Variants in NYAP2 observed in about 807,000 individuals in gnomAD.
NYAP2 encodes neuronal tyrosine-phosphorylated phosphoinositide-3-kinase adaptor 2.
NYAP2 carries 23 observed loss-of-function variants against 50.4 expected under a neutral mutation model. The observed-to-expected ratio is 0.46, with a 90% CI of 0.33 to 0.65. NYAP2 has a LOEUF of 0.65. NYAP2 is among the 30% of genes least tolerant of loss of function. The pLI is 0.02. For synonymous variants in NYAP2, 394 were observed against 365.2 expected (o/e 1.08, Z -0.90); for missense variants, 885 against 861.0 (o/e 1.03, Z -0.35).
intron 5 of NYAP2, among the ~76,000 whole-genome samples, chr2:225,616,106 A>G (rs930571207): frequency 6.6e-6 from 1 of 152,168 alleles, no homozygotes; most frequent in African/African-American, 2.4e-5. Flanking sequence ...AGTGTGCCCC[A>G]TCTGTGTGTA....
intron 3 of NYAP2, among the ~76,000 whole-genome samples, chr2:225,410,540 G>A (rs1427325710): frequency 6.6e-6 from 1 of 151,882 alleles, no homozygotes; most frequent in Non-Finnish European, 1.5e-5. Flanking sequence ...TGGCCTACAT[G>A]TTTTTGAAAG....
intron 5 of NYAP2, among the ~76,000 whole-genome samples, chr2:225,594,654 A>G (rs1404931255): frequency 3.9e-5 from 6 of 152,252 alleles, no homozygotes; most frequent in Admixed American, 3.9e-4. Context: ...TCCCTGGTGA[A>G]AAAATGGATT....
At chr2:225,486,409 T>C (rs1690299393) in intron 3 of NYAP2, among the ~76,000 whole-genome samples, 1 of 152,068 alleles carries the variant, frequency 6.6e-6, no homozygotes, top group African/African-American at 2.4e-5. Context: ...AGGAGGTAAA[T>C]GTTCTAAGCT....
At chr2:225,683,984 T>A in the NYAP2 span, among the ~76,000 whole-genome samples, 1 of 152,184 alleles carries the variant, frequency 6.6e-6, no homozygotes, top group African/African-American at 2.4e-5. Flanking sequence ...AGAAGTCTAG[T>A]CAATTTATGG....
chr2:225,588,083 C>G (rs1365426974), intron 5 of NYAP2, among the ~76,000 whole-genome samples: 1 of 151,982 alleles, frequency 6.6e-6, no homozygotes, highest in South Asian at 2.1e-4. Flanking sequence ...CACCACCACA[C>G]CTGGCTAATA....
chr2:225,408,027 G>A (rs769258573), intron 2 of NYAP2, among the ~76,000 whole-genome samples: 68 of 151,942 alleles, frequency 4.5e-4, no homozygotes, highest in Admixed American at 4.6e-4. Flanking sequence ...GCAGGAGGTA[G>A]GAGTTATTAC....
chr2:225,583,811 C>T (rs1431232651), intron 5 of NYAP2, among the ~76,000 whole-genome samples: 2 of 152,124 alleles, frequency 1.3e-5, no homozygotes, highest in Admixed American at 6.5e-5. Flanking sequence ...GAGGCCGAGG[C>T]GGTCAGATCA....
chr2:225,580,080 A>G (rs1027929945), intron 4 of NYAP2, among the ~76,000 whole-genome samples: 2 of 152,110 alleles, frequency 1.3e-5, no homozygotes, highest in Admixed American at 6.5e-5. Flanking sequence ...TTTGTAGAAA[A>G]TAGTTTCCCA....
chr2:225,630,077 GA>G (rs1212791321), intron 6 of NYAP2, among the ~76,000 whole-genome samples: 2 of 152,108 alleles, frequency 1.3e-5, no homozygotes, highest in African/African-American at 4.8e-5. Flanking sequence ...GGAAGATGAA[GA>G]AAAAAGTCAG....
intron 3 of NYAP2, among the ~76,000 whole-genome samples, chr2:225,470,913 C>T (rs1220494432): frequency 6.6e-6 from 1 of 152,022 alleles, no homozygotes; most frequent in African/African-American, 2.4e-5. Flanking sequence ...AGCCTCCTTC[C>T]CAGCTGGGAA....
chr2:225,604,639 C>G (rs1228644966), intron 5 of NYAP2, among the ~76,000 whole-genome samples: 1 of 149,914 alleles, frequency 6.7e-6, no homozygotes, highest in Non-Finnish European at 1.5e-5. Flanking sequence ...TTTACAATGT[C>G]ATTTTGGAGG....
intron 3 of NYAP2, among the ~76,000 whole-genome samples, chr2:225,471,714 A>G (rs992962421): frequency 1.3e-5 from 2 of 152,220 alleles, no homozygotes; most frequent in African/African-American, 4.8e-5. Flanking sequence ...CCTGTGAAAT[A>G]TGTGTTATCA....
intron 4 of NYAP2, among the ~76,000 whole-genome samples, chr2:225,514,435 A>G (rs1360829436): frequency 6.6e-6 from 1 of 152,230 alleles, no homozygotes; most frequent in Non-Finnish European, 1.5e-5. Flanking sequence ...CCTGGGTGGC[A>G]TATAAGCAAC....
Position 225,538,267 on chromosome 2 carries a change from C to T in NYAP2, c.523+24595C>T, listed in dbSNP as rs548814154. Among the ~76,000 whole-genome samples the T allele has an allele frequency of 7.2e-5, 11 of 152,322 alleles. No individual in the cohort carries two copies. In the East Asian group the frequency reaches 2.1e-3, roughly 29 times the overall value. On this transcript the variant is annotated intron_variant, in intron 4 of 6. Coordinates refer to ENST00000636099, the Ensembl canonical transcript of NYAP2. The stretch of plus-strand genomic sequence containing the variant: ...GGACTCCATGTGGGGGCTCCAACCC[C>T]ACATTTCCCTTCCACACTGTCCTAG...
intron 4 of NYAP2, among the ~76,000 whole-genome samples, chr2:225,547,032 A>C (rs754517929): frequency 6.6e-6 from 1 of 152,110 alleles, no homozygotes; most frequent in Non-Finnish European, 1.5e-5. Context: ...CTGGTGCCCT[A>C]TCCTATTGTG....
intron 3 of NYAP2, among the ~76,000 whole-genome samples, chr2:225,432,128 C>A (rs1308705860): frequency 6.6e-6 from 1 of 151,220 alleles, no homozygotes; most frequent in Admixed American, 6.6e-5. Flanking sequence ...CACATGCCTG[C>A]CACCACGCCC....
At chr2:225,598,258 G>C (rs1348435933) in intron 5 of NYAP2, among the ~76,000 whole-genome samples, 1 of 152,004 alleles carries the variant, frequency 6.6e-6, no homozygotes, top group East Asian at 1.9e-4. Flanking sequence ...ACCAGCAGAA[G>C]AAAAAGCTTC....
the NYAP2 span, among the ~76,000 whole-genome samples, chr2:225,665,807 T>TGAA: frequency 4.8e-5 from 1 of 20,996 alleles, no homozygotes; most frequent in Non-Finnish European, 8.5e-5. Context: ...AGCCTCCGTC[T>TGAA]AAAAAAAAAA....
At chr2:225,583,388 C>T (rs1692335266) in intron 5 of NYAP2, among the ~76,000 whole-genome samples, 2 of 151,980 alleles carry the variant, frequency 1.3e-5, no homozygotes, top group Non-Finnish European at 2.9e-5. Context: ...GCACGGAGTA[C>T]GTGGTCTTGG....
Sources: allele counts gnomAD v4.1 joint callset (sites outside exome capture counted in the v4.1 genomes callset), GRCh38; gene constraint gnomAD v4.1.1; transcripts MANE v1.5; gene names NCBI Gene and HGNC (gene_info 2026-07-23, HGNC 2026-07-21).